The following PTCHD4 variants were observed in gnomAD, a reference collection of about 807,000 sequenced individuals.
PTCHD4 encodes the protein patched domain-containing protein 4.
A neutral mutation model predicts 58.1 loss-of-function variants in PTCHD4; 33 were observed. That is an observed-to-expected ratio of 0.57 (90% CI 0.43 to 0.76). PTCHD4 has a LOEUF of 0.76. PTCHD4 is among the 30% of genes least tolerant of loss of function. PTCHD4 has a pLI of 0.00. For missense variants in PTCHD4, 1,058 were observed against 1,027.1 expected (o/e 1.03, Z -0.41); for synonymous variants, 478 against 409.6 (o/e 1.17, Z -2.02).
intron 4 of PTCHD4, among the ~76,000 whole-genome samples, chr6:47,924,889 GTTTC>G (rs1185704051): frequency 6.6e-6 from 1 of 151,598 alleles, no homozygotes; most frequent in Non-Finnish European, 1.5e-5. Context: ...CATTTCCCAA[GTTTC>G]TTTCCCCTTA....
chr6:47,905,512 A>G (rs564067901), intron 4 of PTCHD4, among the ~76,000 whole-genome samples: 1 of 152,236 alleles, frequency 6.6e-6, no homozygotes. Flanking sequence ...TCAATAAACT[A>G]TAGCTCTGAA....
intron 3 of PTCHD4, among the ~76,000 whole-genome samples, chr6:48,010,979 G>T (rs543235769): frequency 1.3e-5 from 2 of 152,118 alleles, no homozygotes; most frequent in African/African-American, 2.4e-5. Context: ...AACCTATTAT[G>T]GATAGGCATT....
At position 48,002,754 on chromosome 6, in the gene PTCHD4, T is replaced by TATAATAATA. The variant is rs139742079; in HGVS notation, c.898+5871_898+5879dup. 5.5e-3 allele frequency among the ~76,000 whole-genome samples: 818 copies of TATAATAATA among 149,512 alleles called. 2 individuals are homozygous for TATAATAATA. The highest frequency in any genetic ancestry group is 7.9e-3 in the African/African-American group (324 of 40,924). On this transcript the variant is annotated intron_variant, in intron 4 of 4. Transcript: ENST00000339488. ...TGCACATGTACCCTAAAACTTAAAG[T>TATAATAATA]ATAATAATAATAATAATAATAATAA...
At chr6:47,910,394 T>G (rs1317290204) in intron 4 of PTCHD4, among the ~76,000 whole-genome samples, 1 of 152,116 alleles carries the variant, frequency 6.6e-6, no homozygotes, top group African/African-American at 2.4e-5. Flanking sequence ...GGAGGGCATA[T>G]TACTTTGCAT....
At chr6:47,978,086 A>G (rs970838112) in intron 4 of PTCHD4, among the ~76,000 whole-genome samples, 10 of 149,732 alleles carry the variant, frequency 6.7e-5, no homozygotes, top group African/African-American at 2.0e-4. Context: ...CTGCTTCCCT[A>G]CTCCTCTCCC....
At chr6:47,931,215 G>A (rs1316384089) in intron 4 of PTCHD4, among the ~76,000 whole-genome samples, 5 of 152,330 alleles carry the variant, frequency 3.3e-5, no homozygotes, top group East Asian at 3.9e-4. Flanking sequence ...CATTCACCAC[G>A]AACAGGAGGG....
intron 4 of PTCHD4, among the ~76,000 whole-genome samples, chr6:47,922,650 C>T (rs940378530): frequency 9.2e-5 from 14 of 152,158 alleles, no homozygotes; most frequent in Admixed American, 1.3e-4. Flanking sequence ...ATTCCCTTGG[C>T]GGGGTGCCCT....
rs948670606 is a variant in PTCHD4 at position 47,862,004 on chromosome 6, C to T, written c.*16299G>A. 1.3e-5 allele frequency among the ~76,000 whole-genome samples: 2 copies of T among 151,868 alleles called. No individual in the cohort carries two copies. Among genetic ancestry groups the T allele is most frequent in the Non-Finnish European group, 2.9e-5 (2 of 67,862 alleles). ...AGTTATTCTCTTTGTCGACTTTTAG[C>T]TGTGACTTCCTATTATTGAACATAA... On this transcript the variant is annotated 3_prime_UTR_variant, in exon 5 of 5. Transcript: ENST00000339488.
rs917478374 is a variant in PTCHD4 at position 47,879,983 on chromosome 6, A to G, written c.899-47T>C. 42 of 1,343,244 alleles carry G rather than the reference A, an allele frequency of 3.1e-5. No homozygotes were observed. In the Admixed American group the frequency reaches 4.2e-4, roughly 13 times the overall value. 83.2% of individuals were successfully genotyped at this position (1,343,244 alleles called of 1,614,324 possible). On this transcript the variant is annotated intron_variant, in intron 4 of 4. Transcript: ENST00000339488. The stretch of plus-strand genomic sequence containing the variant: ...ATAATAATTATTTTTATTTCCTCCT[A>G]TGGCTCAAGTGAATTCCTTATAGTT...
chr6:47,923,896 T>C (rs768901691), intron 4 of PTCHD4, among the ~76,000 whole-genome samples: 16 of 152,186 alleles, frequency 1.1e-4, no homozygotes, highest in Non-Finnish European at 2.2e-4. Flanking sequence ...GGGGCAGTGA[T>C]TCCTTAAAAT....
At chr6:48,075,439 G>A (rs1404074292) in intron 1 of PTCHD4, among the ~76,000 whole-genome samples, 4 of 136,772 alleles carry the variant, frequency 2.9e-5, no homozygotes, top group Non-Finnish European at 6.4e-5. Flanking sequence ...AGTTTTGTGG[G>A]TTTTTTTTTT....
chr6:47,991,321 T>C (rs1209790766), intron 4 of PTCHD4, among the ~76,000 whole-genome samples: 3 of 152,086 alleles, frequency 2.0e-5, no homozygotes, highest in Non-Finnish European at 2.9e-5. Flanking sequence ...ATAAAGATGA[T>C]AGAGAATAGT....
chr6:47,978,014 G>A (rs1035748737), intron 4 of PTCHD4, among the ~76,000 whole-genome samples: 6 of 152,082 alleles, frequency 3.9e-5, no homozygotes, highest in Admixed American at 2.6e-4. Context: ...AACTCTAGTC[G>A]TTCCTTAAGT....
rs550296546 is a variant in PTCHD4, at chr6:47,999,623, C to G, written c.898+9011G>C. ...GCTGGTTCACGCTTTGGGAAATAGA[C>G]GTGCACAACGCAGAGGTCAGAAGAG... On this transcript the variant is annotated intron_variant, in intron 4 of 4. Transcript: ENST00000339488. Among the ~76,000 whole-genome samples, 42 of 152,226 alleles carry G rather than the reference C, an allele frequency of 2.8e-4. No individual in the cohort carries two copies. In the South Asian group the frequency reaches 8.1e-3, roughly 29 times the overall value.
At position 47,871,182 on chromosome 6, in the gene PTCHD4, C is replaced by CT. The variant is rs1042365477; in HGVS notation, c.*7120dup. Among the ~76,000 whole-genome samples the CT allele has an allele frequency of 1.3e-5, 2 of 151,576 alleles. No homozygotes were observed. Among genetic ancestry groups the CT allele is most frequent in the African/African-American group, 4.8e-5 (2 of 41,356 alleles). On this transcript the variant is annotated 3_prime_UTR_variant, in exon 5 of 5. Coordinates refer to ENST00000339488, the MANE Select transcript of PTCHD4 (RefSeq NM_001384253.1). ...AAGACTGTTTCTCCCTAGGAGTTTT[C>CT]TTTTCACTGATGCTAATGTTTCCGT... is the stretch of plus-strand genomic sequence containing the variant.
chr6:47,928,640 G>C (rs541315968), intron 4 of PTCHD4, among the ~76,000 whole-genome samples: 1 of 152,208 alleles, frequency 6.6e-6, no homozygotes, highest in African/African-American at 2.4e-5. Flanking sequence ...ATAGCACTAT[G>C]CTTTGTATAT....
At chr6:48,019,230 C>T (rs1762970262) in intron 3 of PTCHD4, among the ~76,000 whole-genome samples, 1 of 152,202 alleles carries the variant, frequency 6.6e-6, no homozygotes, top group Non-Finnish European at 1.5e-5. Context: ...AGGAAAGAGG[C>T]AACTGTTTAT....
intron 3 of PTCHD4, among the ~76,000 whole-genome samples, chr6:48,037,977 TAAAAA>T (rs376618671): frequency 6.7e-6 from 1 of 149,150 alleles, no homozygotes; most frequent in South Asian, 2.1e-4. Context: ...TTTGTTCAGA[TAAAAA>T]AAAATCATAG....
At chr6:47,910,576 T>C (rs1765038148) in intron 4 of PTCHD4, among the ~76,000 whole-genome samples, 1 of 152,178 alleles carries the variant, frequency 6.6e-6, no homozygotes, top group South Asian at 2.1e-4. Context: ...TACATTCTTT[T>C]AGCTTTGGTT....
Sources: allele counts gnomAD v4.1 joint callset (sites outside exome capture counted in the v4.1 genomes callset), GRCh38; gene constraint gnomAD v4.1.1; transcripts MANE v1.5; gene names NCBI Gene and HGNC (gene_info 2026-07-23, HGNC 2026-07-21).